Variants in ELOVL5 observed in about 807,000 individuals in gnomAD.
The protein encoded by ELOVL5 is ELOVL fatty acid elongase 5.
ELOVL5 carries 8 observed loss-of-function variants against 38.6 expected under a neutral mutation model. The observed-to-expected ratio is 0.21, with a 90% CI of 0.12 to 0.37. The LOEUF (loss-of-function observed/expected upper bound fraction) is 0.37. ELOVL5 is among the 10% of genes least tolerant of loss of function. ELOVL5 has a pLI of 1.00. For synonymous variants in ELOVL5, 127 were observed against 133.7 expected (o/e 0.95, Z 0.34); for missense variants, 280 against 367.8 (o/e 0.76, Z 1.95).
intron 1 of ELOVL5, among the ~76,000 whole-genome samples, chr6:53,332,339 A>C (rs1251669808): frequency 1.3e-5 from 2 of 152,206 alleles, no homozygotes; most frequent in Admixed American, 6.5e-5. Flanking sequence ...ATAAAAACTG[A>C]GTTTCTTTAG....
At chr6:53,305,693 G>A (rs1011914516) in intron 1 of ELOVL5, among the ~76,000 whole-genome samples, 25 of 150,806 alleles carry the variant, frequency 1.7e-4, no homozygotes, top group African/African-American at 6.1e-4. Flanking sequence ...GATGGCGGCC[G>A]GGCAGAGACG....
rs1256676818 is a variant in ELOVL5, at chr6:53,269,382, C to G, written c.757-112G>C. 2.0e-5 allele frequency: 15 copies of G among 734,396 alleles called. No homozygotes were observed. In the East Asian group the frequency reaches 4.2e-4, roughly 21 times the overall value. The allele number at this position is 734,396 out of a possible 1,614,324, so 45.5% of individuals were successfully genotyped here. A position where few individuals can be genotyped will look rare whatever the true frequency, so the allele number is the denominator to read the frequency against. On this transcript the variant is annotated intron_variant, in intron 7 of 7. Transcript: ENST00000304434. ...GCCTAGTTTCAAGATCAAATCTTAT[C>G]AAGGAGAAACTCCTGAGGTCAAGTC...
Position 53,291,799 on chromosome 6 carries a change from G to A in ELOVL5, c.223C>T (p.Leu75=). The change falls in exon 3 of 8, where the codon CTG becomes TTG. Residue 75 remains leucine, a synonymous_variant. Coordinates refer to ENST00000304434, the MANE Select transcript of ELOVL5 (RefSeq NM_021814.5). ...ACCTCACAGAACATATACAGAGACA[G>A]CAGTGTGAGTCCAAGGTTATACACC... The part of the protein sequence containing the change: ...LVVYNLGLTL[L]SLYMFCELVT... 6.2e-7 allele frequency: 1 copy of A among 1,612,562 alleles called. No individual in the cohort carries two copies.
intron 1 of ELOVL5, among the ~76,000 whole-genome samples, chr6:53,341,925 T>C (rs953048192): frequency 5.3e-5 from 8 of 152,186 alleles, no homozygotes; most frequent in African/African-American, 1.9e-4. Flanking sequence ...ACATAGATTC[T>C]AGGGTCTCAA....
intron 3 of ELOVL5, among the ~76,000 whole-genome samples, chr6:53,281,496 A>C (rs2127570288): frequency 6.6e-6 from 1 of 152,332 alleles, no homozygotes; most frequent in Admixed American, 6.5e-5. Flanking sequence ...TGCACCTCAA[A>C]CAGCAGTTCC....
intron 3 of ELOVL5, among the ~76,000 whole-genome samples, chr6:53,282,177 A>G (rs760535592): frequency 6.6e-6 from 1 of 152,244 alleles, no homozygotes. Context: ...AATGTTAAGT[A>G]CTTTTGCTTC....
At chr6:53,328,487 AT>A (rs543428841) in intron 1 of ELOVL5, among the ~76,000 whole-genome samples, 79 of 152,356 alleles carry the variant, frequency 5.2e-4, no homozygotes, top group Middle Eastern at 3.4e-3. Flanking sequence ...TTGATCTGAC[AT>A]TATACACAAA....
At chr6:53,319,553 G>A (rs1260673143) in intron 1 of ELOVL5, among the ~76,000 whole-genome samples, 4 of 152,018 alleles carry the variant, frequency 2.6e-5, no homozygotes, top group East Asian at 1.9e-4. Flanking sequence ...CTCCTCCCTA[G>A]GGTTACTTTA....
chr6:53,323,085 G>A (rs1273871177), intron 1 of ELOVL5, among the ~76,000 whole-genome samples: 2 of 152,144 alleles, frequency 1.3e-5, no homozygotes, highest in Admixed American at 6.5e-5. Flanking sequence ...GTTGGAAAAT[G>A]GGATTCAAAC....
At chr6:53,282,209 T>G (rs1237953479) in intron 3 of ELOVL5, among the ~76,000 whole-genome samples, 2 of 152,244 alleles carry the variant, frequency 1.3e-5, no homozygotes, top group Non-Finnish European at 2.9e-5. Flanking sequence ...AAGGTGGTGC[T>G]GGATGTCCCA....
chr6:53,330,114 T>C (rs138706669), intron 1 of ELOVL5, among the ~76,000 whole-genome samples: 2 of 152,316 alleles, frequency 1.3e-5, no homozygotes, highest in African/African-American at 4.8e-5. Flanking sequence ...CAAACCTAGA[T>C]GTATGGCCTA....
At chr6:53,334,012 G>C (rs964492543) in intron 1 of ELOVL5, among the ~76,000 whole-genome samples, 1 of 151,904 alleles carries the variant, frequency 6.6e-6, no homozygotes. Flanking sequence ...GGTCTATAGT[G>C]GCTCTGAAAT....
chr6:53,301,170 G>A (rs1767233312), intron 1 of ELOVL5, among the ~76,000 whole-genome samples: 1 of 152,138 alleles, frequency 6.6e-6, no homozygotes, highest in Non-Finnish European at 1.5e-5. Context: ...GACCTACTTT[G>A]CACAAGATGC....
rs1353689096 is a variant in ELOVL5, at chr6:53,295,507, G to A, written c.58+135C>T. 2.1e-5 allele frequency: 14 copies of A among 656,000 alleles called. No individual in the cohort carries two copies. The African/African-American group carries it at 2.5e-4, about 12-fold the overall frequency. 40.6% of individuals were successfully genotyped at this position (656,000 alleles called of 1,614,324 possible). A position where few individuals can be genotyped will look rare whatever the true frequency, so the allele number is the denominator to read the frequency against. On this transcript the variant is annotated intron_variant, in intron 2 of 7. Coordinates refer to ENST00000304434, the MANE Select transcript of ELOVL5 (RefSeq NM_021814.5). Reference sequence around the variant, plus strand: ...TGTCAGAGACTTCTCCAAATTCCTTGTTATCCAGGATAAAGTTTTAGACTT... The same window carrying A: ...TGTCAGAGACTTCTCCAAATTCCTTATTATCCAGGATAAAGTTTTAGACTT...
intron 1 of ELOVL5, among the ~76,000 whole-genome samples, chr6:53,319,665 T>C (rs1446429719): frequency 6.6e-6 from 1 of 152,226 alleles, no homozygotes; most frequent in African/African-American, 2.4e-5. Context: ...CAAATTCCTT[T>C]CTTCCATCCA....
intron 1 of ELOVL5, among the ~76,000 whole-genome samples, chr6:53,299,627 G>C (rs900338479): frequency 2.6e-5 from 4 of 152,182 alleles, no homozygotes; most frequent in Non-Finnish European, 5.9e-5. Flanking sequence ...TACCAAAAGA[G>C]ACTGTGGAAT....
At chr6:53,336,308 A>C (rs1013247552) in intron 1 of ELOVL5, among the ~76,000 whole-genome samples, 3 of 152,170 alleles carry the variant, frequency 2.0e-5, no homozygotes, top group Non-Finnish European at 2.9e-5. Flanking sequence ...GCTCTGTCCG[A>C]CATGTATGGT....
chr6:53,307,503 C>T (rs965942352), intron 1 of ELOVL5, among the ~76,000 whole-genome samples: 2 of 152,198 alleles, frequency 1.3e-5, no homozygotes, highest in African/African-American at 4.8e-5. Flanking sequence ...ATCATCATTA[C>T]AGAGACCTTT....
chr6:53,272,756 G>A (rs1411100614), intron 6 of ELOVL5, among the ~76,000 whole-genome samples: 1 of 152,118 alleles, frequency 6.6e-6, no homozygotes, highest in Non-Finnish European at 1.5e-5. Context: ...CACTGCATGG[G>A]GGCTGAGGGG....
Sources: gnomAD v4.1 joint callset for allele counts (sites outside exome capture counted in the v4.1 genomes callset) on GRCh38, gnomAD v4.1.1 for gene constraint, MANE v1.5 for transcripts, NCBI Gene and HGNC (gene_info 2026-07-23, HGNC 2026-07-21) for gene names.